PI4KA: variants seen among roughly 807,000 people sequenced by gnomAD.
The protein encoded by PI4KA is PI4-kinase alpha.
Under a neutral mutation model 271.4 loss-of-function variants are expected in PI4KA, and 122 were observed. That is an observed-to-expected ratio of 0.45 (90% CI 0.39 to 0.52). The LOEUF (loss-of-function observed/expected upper bound fraction) is 0.52. Among genes scored for constraint, PI4KA ranks in the 20% least tolerant of loss-of-function variants. The pLI, the probability that PI4KA is intolerant of heterozygous loss-of-function variation, is 0.00. For missense variants in PI4KA, 1,969 were observed against 2,769.1 expected, an observed-to-expected ratio of 0.71 and a Z score of 6.48; for synonymous variants, 1,041 against 1,078.8, an observed-to-expected ratio of 0.96 and a Z score of 0.69.
At chr22:20,843,097 CAAAAA>C (rs361761) in intron 1 of PI4KA, among the ~76,000 whole-genome samples, 1 of 113,884 alleles carries the variant, frequency 8.8e-6, no homozygotes. Context: ...GACTCCGTCT[CAAAAA>C]AAAAAAAAAA....
In PI4KA at chr22:20,727,243, C is replaced by T. The variant is rs373067047; in HGVS notation, c.4928G>A (p.Arg1643Gln). ...CCCTGGGCTCACCGGAGGGAAGGAC[C>T]GCAGGACTTTCACCCCGTACTGCGC... ...LTAQYGVKVL[R>Q]SFPPDAILFY... The change falls in exon 41 of 55, where the codon CGG becomes CAG. Residue 1643 changes from arginine to glutamine, a missense_variant. Physicochemically the swap from Arg to Gln is conservative, Grantham distance 43 (BLOSUM62 1). This residue lies in a region of PI4KA where 388 missense variants were observed against 521.5 expected (regional missense o/e 0.74). Coordinates refer to ENST00000255882, the MANE Select transcript of PI4KA (RefSeq NM_058004.4). 11 of 1,612,656 alleles carry T rather than the reference C, an allele frequency of 6.8e-6. No individual in the cohort carries two copies. Among genetic ancestry groups the T allele is most frequent in the African/African-American group, 2.7e-5 (2 of 74,986 alleles).
chr22:20,856,225 T>C (rs1252178375), intron 1 of PI4KA, among the ~76,000 whole-genome samples: 1 of 151,718 alleles, frequency 6.6e-6, no homozygotes, highest in Admixed American at 6.6e-5. Context: ...AGTGGAAAAA[T>C]AGCTTGAAAC....
Position 20,727,815 on chromosome 22 carries a change from A to G in PI4KA, c.4732T>C (p.Leu1578=), listed in dbSNP as rs746752211. The G allele has an allele frequency of 5.6e-6, 9 of 1,614,146 alleles. No individual in the cohort carries two copies. The South Asian group carries it at 6.6e-5, about 12-fold the overall frequency. Residue 1578 remains leucine (L), a synonymous_variant, in exon 40 of 55, where the codon TTG becomes CTG. Coordinates refer to ENST00000255882, the MANE Select transcript of PI4KA (RefSeq NM_058004.4). ...IGNEVTRLVR[L]DPGAVSDVPE... ...ACATCACTAACGGCTCCCGGGTCCA[A>G]CCGAACGAGACGGGTCACTTCGTTC...
intron 32 of PI4KA, chr22:20,736,874 TGA>T (rs1928790172): frequency 7.0e-6 from 1 of 142,302 alleles, no homozygotes; most frequent in East Asian, 2.1e-4. Context: ...TCTACAGTGA[TGA>T]GAGGGACCTC....
chr22:20,837,600 T>G (rs1034687047), intron 2 of PI4KA, among the ~76,000 whole-genome samples: 2 of 152,144 alleles, frequency 1.3e-5, no homozygotes, highest in African/African-American at 4.8e-5. Flanking sequence ...TATTCAAATA[T>G]CTAACATCTT....
In PI4KA at chr22:20,813,417, C is replaced by T. The variant is rs149077896; in HGVS notation, c.946G>A (p.Gly316Ser). Residue 316 changes from glycine to serine, a missense_variant, in exon 8 of 55, where the codon GGT becomes AGT. Transcript: ENST00000255882. ...ATGTTAAACTCCTTATATGTGACAC[C>T]GTTGAAAAGGGGAGAGACTGAGAAG... ...SSFSVSPLFN[G>S]VTYKEFNIPL... 6.2e-6 allele frequency: 10 copies of T among 1,613,348 alleles called. No individual in the cohort carries two copies. The highest frequency in any genetic ancestry group is 4.5e-5 in the East Asian group (2 of 44,876).
At position 20,805,023 on chromosome 22, in the gene PI4KA, C is replaced by A. The variant is rs199953524; in HGVS notation, c.1311G>T (p.Ala437=). The A allele has an allele frequency of 1.2e-6, 2 of 1,614,122 alleles. No individual in the cohort carries two copies. Among genetic ancestry groups the A allele is most frequent in the Non-Finnish European group, 1.7e-6 (2 of 1,179,958 alleles). The change falls in exon 11 of 55, where the codon GCG becomes GCT. Residue 437 remains alanine (A), a synonymous_variant. Coordinates refer to ENST00000255882, the MANE Select transcript of PI4KA (RefSeq NM_058004.4). The part of the protein sequence containing the change: ...ELSPLKLRCQ[A]NAACVDLMVW... The stretch of plus-strand genomic sequence containing the variant: ...CCATGAGGTCCACACAGGCAGCATT[C>A]GCCTGACAGCGCAGTTTGAGGGGGC...
At chr22:20,766,009 C>T (rs935586331) in intron 19 of PI4KA, among the ~76,000 whole-genome samples, 5 of 152,112 alleles carry the variant, frequency 3.3e-5, no homozygotes, top group Non-Finnish European at 5.9e-5. Context: ...GAGAAAGTGT[C>T]ATGGGTCTCA....
At chr22:20,820,448 T>C in intron 5 of PI4KA, 91 bp downstream of exon 5, 1 of 844,432 alleles carries the variant, frequency 1.2e-6, no homozygotes, top group Non-Finnish European at 2.0e-6. Flanking sequence ...ATCATATATA[T>C]TAGGTACCCA....
rs1931002929 is a variant in PI4KA, at chr22:20,754,019, T to C, written c.2792-839A>G. Among the ~76,000 whole-genome samples, 3 of 151,960 alleles carry C rather than the reference T, an allele frequency of 2.0e-5. No individual in the cohort carries two copies. The South Asian group carries it at 6.2e-4, about 32-fold the overall frequency. ...CTCTTTCTGCATCACGTAAGTGGTA[T>C]GTGATAACAGTATCTCTTATTACTG... On this transcript the variant is annotated intron_variant, in intron 23 of 54. Transcript: ENST00000255882.
chr22:20,798,334 C>T, intron 17 of PI4KA: 1 of 472,086 alleles, frequency 2.1e-6, no homozygotes, highest in Non-Finnish European at 3.9e-6. Context: ...AGCAGGTCAG[C>T]TGCATGTGCA....
chr22:20,725,113 G>T (rs1927193983), intron 42 of PI4KA, among the ~76,000 whole-genome samples: 1 of 152,184 alleles, frequency 6.6e-6, no homozygotes, highest in Non-Finnish European at 1.5e-5. Context: ...TAGCCCCTGG[G>T]ACACCCAGCC....
At chr22:20,743,818 G>A (rs1370380840) in intron 30 of PI4KA, among the ~76,000 whole-genome samples, 4 of 152,180 alleles carry the variant, frequency 2.6e-5, no homozygotes, top group African/African-American at 9.6e-5. Flanking sequence ...AGTTTGGGAG[G>A]CCGAGGCGGG....
intron 19 of PI4KA, among the ~76,000 whole-genome samples, chr22:20,789,374 G>A (rs960507945): frequency 1.3e-5 from 2 of 152,238 alleles, no homozygotes; most frequent in African/African-American, 2.4e-5. Flanking sequence ...CTGTTGCCCA[G>A]GCTGGAGTGC....
rs528198701 is a variant in PI4KA, at chr22:20,712,791, G to T, written c.5578C>A (p.Leu1860Met). Reference sequence around the variant, plus strand: ...AAGAGGTCGATGATCTGCAGGGCCAGCATGTCCTGGGAAGCCGGGAGGCGC... The same window carrying T: ...AAGAGGTCGATGATCTGCAGGGCCATCATGTCCTGGGAAGCCGGGAGGCGC... ...KVGDDCRQDM[L>M]ALQIIDLFKN... Residue 1860 changes from leucine to methionine, a missense_variant, in exon 49 of 55, where the codon CTG becomes ATG. By Grantham distance (15) the Leu-to-Met change is conservative (BLOSUM62 2). Transcript: ENST00000255882. The T allele has an allele frequency of 1.3e-6, 2 of 1,550,348 alleles. No homozygotes were observed. Among genetic ancestry groups the T allele is most frequent in the South Asian group, 2.4e-5 (2 of 83,976 alleles).
At chr22:20,741,056 G>A (rs4822474) in intron 32 of PI4KA, among the ~76,000 whole-genome samples, 47,060 of 152,152 alleles carry the variant, frequency 0.31, 7,600 homozygotes, top group East Asian at 0.44. Flanking sequence ...TAATTTCTTT[G>A]AAAGACTTTT....
Position 20,765,719 on chromosome 22 carries a change from AAGG to A in PI4KA, c.2329-29_2329-27del, listed in dbSNP as rs763005976. 1.8e-5 allele frequency: 27 copies of A among 1,491,316 alleles called. No individual in the cohort carries two copies. In the African/African-American group the frequency reaches 3.4e-4, roughly 19 times the overall value. 92.4% of individuals were successfully genotyped at this position (1,491,316 alleles called of 1,614,324 possible). Reference sequence around the variant, plus strand: ...CTGATGTGCCAAGAAGAGAGGGAGAAAGGAGGTTATTTGCTGAGGAAACCCTAA... The same window carrying A: ...CTGATGTGCCAAGAAGAGAGGGAGAAAGGTTATTTGCTGAGGAAACCCTAA... On this transcript the variant is annotated intron_variant, in intron 19 of 54. Transcript: ENST00000255882.
intron 19 of PI4KA, among the ~76,000 whole-genome samples, chr22:20,770,448 G>A (rs995115299): frequency 1.3e-4 from 20 of 149,630 alleles, no homozygotes; most frequent in African/African-American, 4.9e-4. Context: ...AGGAGGCAGA[G>A]GTTGCAGCAA....
chr22:20,726,039 T>G (rs954094034), intron 42 of PI4KA, among the ~76,000 whole-genome samples: 1 of 152,176 alleles, frequency 6.6e-6, no homozygotes, highest in African/African-American at 2.4e-5. Flanking sequence ...TTTTTTGGCC[T>G]CCACAATTCT....
Sources: allele counts gnomAD v4.1 joint callset (sites outside exome capture counted in the v4.1 genomes callset), GRCh38; gene constraint gnomAD v4.1.1; regional missense constraint gnomAD v4.1.1; transcripts MANE v1.5; gene names NCBI Gene and HGNC (gene_info 2026-07-23, HGNC 2026-07-21).